ASTN2: variants seen among roughly 807,000 people sequenced by gnomAD.
ASTN2 encodes astrotactin 2.
A neutral mutation model predicts 139.8 loss-of-function variants in ASTN2; 54 were observed. The observed-to-expected ratio is 0.39, with a 90% CI of 0.31 to 0.48. The LOEUF is 0.48. Ranked by LOEUF, ASTN2 falls within the 20% of genes least tolerant of loss-of-function variation. The pLI is 0.95. For missense variants in ASTN2, 1,565 were observed against 1,725.1 expected (o/e 0.91, Z 1.64); for synonymous variants, 756 against 719.5 (o/e 1.05, Z -0.81).
chr9:116,554,373 G>C (rs1428023092), intron 19 of ASTN2, among the ~76,000 whole-genome samples: 1 of 152,318 alleles, frequency 6.6e-6, no homozygotes, highest in East Asian at 1.9e-4. Context: ...CAAGAGTCTA[G>C]TCCTATCATT....
intron 12 of ASTN2, among the ~76,000 whole-genome samples, chr9:116,812,950 G>A (rs1029996387): frequency 2.0e-5 from 3 of 152,138 alleles, no homozygotes; most frequent in African/African-American, 7.2e-5. Flanking sequence ...AACAGGAGCA[G>A]TTCTCCCCCG....
intron 20 of ASTN2, among the ~76,000 whole-genome samples, chr9:116,475,092 G>T (rs2119027604): frequency 6.6e-6 from 1 of 152,230 alleles, no homozygotes; most frequent in Admixed American, 6.5e-5. Flanking sequence ...CCAAATTAAT[G>T]ATCTGCTGGT....
intron 2 of ASTN2, among the ~76,000 whole-genome samples, chr9:117,243,434 C>T (rs774850936): frequency 2.4e-4 from 36 of 152,166 alleles, no homozygotes; most frequent in Non-Finnish European, 3.7e-4. Context: ...AGTACAGAAT[C>T]GTTTAAAATA....
chr9:116,748,652 A>G (rs1438917488), intron 13 of ASTN2, among the ~76,000 whole-genome samples: 3 of 152,222 alleles, frequency 2.0e-5, no homozygotes, highest in African/African-American at 4.8e-5. Flanking sequence ...GCAGACACAC[A>G]GTAGGTACAC....
At chr9:117,333,586 C>A (rs1231853912) in intron 1 of ASTN2, among the ~76,000 whole-genome samples, 1 of 152,176 alleles carries the variant, frequency 6.6e-6, no homozygotes, top group Non-Finnish European at 1.5e-5. Flanking sequence ...AGATACTGGG[C>A]TTCCACATAA....
chr9:117,403,966 G>A (rs1281104473), intron 1 of ASTN2, among the ~76,000 whole-genome samples: 1 of 152,078 alleles, frequency 6.6e-6, no homozygotes, highest in Non-Finnish European at 1.5e-5. Context: ...ATGAGGGAGT[G>A]GAAAGAGGGG....
intron 13 of ASTN2, among the ~76,000 whole-genome samples, chr9:116,790,962 A>AG (rs1830519250): frequency 8.1e-6 from 1 of 123,308 alleles, no homozygotes; most frequent in African/African-American, 3.3e-5. Flanking sequence ...AAGAAAAGAA[A>AG]GAAGGAAAGA....
At chr9:116,519,002 A>C (rs1246338518) in intron 19 of ASTN2, among the ~76,000 whole-genome samples, 1 of 152,144 alleles carries the variant, frequency 6.6e-6, no homozygotes, top group Non-Finnish European at 1.5e-5. Flanking sequence ...CCAAATTTAT[A>C]AAGCAATTAC....
chr9:117,136,656 G>A (rs779793100), intron 4 of ASTN2, among the ~76,000 whole-genome samples: 3 of 152,138 alleles, frequency 2.0e-5, no homozygotes, highest in East Asian at 1.9e-4. Context: ...CGGTGCCAAC[G>A]CTGCTGCAGG....
intron 19 of ASTN2, among the ~76,000 whole-genome samples, chr9:116,530,299 TCAAA>T (rs1181067223): frequency 2.6e-5 from 4 of 151,108 alleles, no homozygotes; most frequent in African/African-American, 9.7e-5. Flanking sequence ...TCTAAAATAG[TCAAA>T]CTAATAGAGA....
intron 13 of ASTN2, among the ~76,000 whole-genome samples, chr9:116,770,342 C>G (rs919911000): frequency 2.0e-5 from 3 of 152,140 alleles, no homozygotes; most frequent in African/African-American, 7.2e-5. Context: ...CAGTCCTTTC[C>G]TCACCTACAT....
intron 10 of ASTN2, among the ~76,000 whole-genome samples, chr9:116,886,341 A>G (rs1055819542): frequency 3.9e-5 from 6 of 152,246 alleles, no homozygotes; most frequent in Non-Finnish European, 8.8e-5. Flanking sequence ...ATGTGGGAAG[A>G]CTGATTCCTC....
chr9:116,886,691 G>A (rs545333836), intron 10 of ASTN2, among the ~76,000 whole-genome samples: 1 of 150,992 alleles, frequency 6.6e-6, no homozygotes, highest in Admixed American at 6.6e-5. Flanking sequence ...GTTTTGTTTT[G>A]TTTTTTAGTG....
chr9:116,996,455 T>C (rs1364808198), intron 7 of ASTN2, among the ~76,000 whole-genome samples: 1 of 152,000 alleles, frequency 6.6e-6, no homozygotes, highest in Admixed American at 6.6e-5. Context: ...CTATTTACTA[T>C]AAAGGAAAAA....
At chr9:116,459,186 T>A (rs1406069292) in intron 20 of ASTN2, among the ~76,000 whole-genome samples, 1 of 151,992 alleles carries the variant, frequency 6.6e-6, no homozygotes, top group African/African-American at 2.4e-5. Flanking sequence ...AGACTCTTTA[T>A]CAAATGGAAC....
chr9:116,940,172 C>G (rs1314957035), intron 10 of ASTN2, among the ~76,000 whole-genome samples: 1 of 152,212 alleles, frequency 6.6e-6, no homozygotes, highest in African/African-American at 2.4e-5. Flanking sequence ...GTTTCAAACT[C>G]CTGGCCTCAA....
At chr9:116,983,836 A>T (rs1342925906) in intron 7 of ASTN2, among the ~76,000 whole-genome samples, 8 of 152,200 alleles carry the variant, frequency 5.3e-5, no homozygotes. Context: ...TGGTCCATGA[A>T]GGATGAGAGA....
At chr9:116,760,096 A>G (rs1002699260) in intron 13 of ASTN2, among the ~76,000 whole-genome samples, 1 of 152,200 alleles carries the variant, frequency 6.6e-6, no homozygotes, top group Non-Finnish European at 1.5e-5. Flanking sequence ...ATAAGATATC[A>G]TTATTATCAT....
At chr9:117,147,466 C>CAG (rs1421525394) in intron 3 of ASTN2, among the ~76,000 whole-genome samples, 2 of 146,966 alleles carry the variant, frequency 1.4e-5, no homozygotes, top group Non-Finnish European at 3.0e-5. Context: ...CACACACACC[C>CAG]CCGTTATCCA....
Sources: gnomAD v4.1 joint callset for allele counts (sites outside exome capture counted in the v4.1 genomes callset) on GRCh38, gnomAD v4.1.1 for gene constraint, MANE v1.5 for transcripts, NCBI Gene and HGNC (gene_info 2026-07-23, HGNC 2026-07-21) for gene names.